SCN8A: variants seen among roughly 807,000 people sequenced by gnomAD.
The protein encoded by SCN8A is sodium voltage-gated channel alpha subunit 8, also known as sodium channel protein type 8 subunit alpha.
SCN8A carries 30 observed loss-of-function variants against 184.1 expected under a neutral mutation model. The observed-to-expected ratio is 0.16, with a 90% CI of 0.12 to 0.22. The LOEUF (loss-of-function observed/expected upper bound fraction) is 0.22, where lower values mean the gene tolerates loss of function less well. Among genes scored for constraint, SCN8A ranks in the 10% least tolerant of loss-of-function variants. The pLI is 1.00. For missense variants in SCN8A, 1,057 were observed against 2,498.9 expected, an observed-to-expected ratio of 0.42 and a Z score of 12.30; for synonymous variants, 852 against 907.0, an observed-to-expected ratio of 0.94 and a Z score of 1.09.
intron 1 of SCN8A, among the ~76,000 whole-genome samples, chr12:51,615,696 A>G (rs999085366): frequency 3.3e-5 from 5 of 151,886 alleles, no homozygotes; most frequent in Admixed American, 1.3e-4. Flanking sequence ...TTCAACCATC[A>G]TTTATATTTT....
intron 24 of SCN8A, among the ~76,000 whole-genome samples, 188 bp downstream of exon 24, chr12:51,789,606 A>G (rs771124616): frequency 6.6e-6 from 1 of 152,200 alleles, no homozygotes; most frequent in Non-Finnish European, 1.5e-5. Flanking sequence ...ATTTTGCAGC[A>G]TGTAGTTTAC....
chr12:51,788,581 C>A, intron 22 of SCN8A, 114 bp from the exon 23 acceptor site: 1 of 630,872 alleles, frequency 1.6e-6, no homozygotes, highest in Non-Finnish European at 2.5e-6. Flanking sequence ...GAGGCTGCAC[C>A]CAAACCCCTG....
At chr12:51,648,259 C>T (rs1295282480) in intron 1 of SCN8A, among the ~76,000 whole-genome samples, 1 of 152,176 alleles carries the variant, frequency 6.6e-6, no homozygotes, top group African/African-American at 2.4e-5. Flanking sequence ...TGGTTATTCA[C>T]AGGTGTGACC....
chr12:51,642,029 A>G (rs1484145925), intron 1 of SCN8A, among the ~76,000 whole-genome samples: 1 of 152,196 alleles, frequency 6.6e-6, no homozygotes, highest in African/African-American at 2.4e-5. Flanking sequence ...CGCATTGTAT[A>G]CTAGTTGTCC....
At chr12:51,615,794 T>G (rs531158228) in intron 1 of SCN8A, among the ~76,000 whole-genome samples, 1 of 152,224 alleles carries the variant, frequency 6.6e-6, no homozygotes, top group East Asian at 1.9e-4. Flanking sequence ...CGTAGCTCAC[T>G]GCAGCCTCAA....
chr12:51,760,675 T>C (rs1336949197), intron 14 of SCN8A, among the ~76,000 whole-genome samples: 1 of 152,202 alleles, frequency 6.6e-6, no homozygotes, highest in Admixed American at 6.5e-5. Context: ...CTGTCTGTAC[T>C]TTCCCTGAAC....
chr12:51,700,789 G>T (rs1941674558), intron 7 of SCN8A, among the ~76,000 whole-genome samples: 1 of 152,186 alleles, frequency 6.6e-6, no homozygotes, highest in South Asian at 2.1e-4. Context: ...AAGACACGTT[G>T]TAAGGATAGA....
At chr12:51,665,447 A>G (rs1329617734) in intron 2 of SCN8A, among the ~76,000 whole-genome samples, 1 of 152,254 alleles carries the variant, frequency 6.6e-6, no homozygotes, top group Admixed American at 6.5e-5. Context: ...ATATACCACC[A>G]TACAGAAAAG....
At chr12:51,728,975 C>G (rs1296275570) in intron 12 of SCN8A, among the ~76,000 whole-genome samples, 1 of 152,172 alleles carries the variant, frequency 6.6e-6, no homozygotes, top group Admixed American at 6.5e-5. Context: ...ATCTTTGCCA[C>G]TCCTCTGCCT....
intron 1 of SCN8A, among the ~76,000 whole-genome samples, chr12:51,613,017 C>T: frequency 6.6e-6 from 1 of 152,158 alleles, no homozygotes. Context: ...CCACCATACC[C>T]AGCCAATTTG....
intron 12 of SCN8A, among the ~76,000 whole-genome samples, chr12:51,743,074 C>G (rs1012816959): frequency 6.6e-6 from 1 of 152,116 alleles, no homozygotes; most frequent in Non-Finnish European, 1.5e-5. Flanking sequence ...ATTTCAGTCT[C>G]TTTGTTAAAT....
At position 51,812,748 on chromosome 12, in the gene SCN8A, G is replaced by T. The variant is rs917787106; in HGVS notation, c.*5319G>T. On this transcript the variant is annotated 3_prime_UTR_variant, in exon 27 of 27. Coordinates refer to ENST00000627620, the MANE Select transcript of SCN8A (RefSeq NM_001330260.2). ...AATGGCAGAAATGCTTGAGAAATGA[G>T]AATGTGTAAGTGGATTGGAAGTTTA... 2.0e-5 allele frequency: 3 copies of T among 152,244 alleles called. No homozygotes were observed. The highest frequency in any genetic ancestry group is 7.2e-5 in the African/African-American group (3 of 41,452). The allele number at this position is 152,244 out of a possible 1,614,324, so 9.4% of individuals were successfully genotyped here. A position where few individuals can be genotyped will look rare whatever the true frequency, so the allele number is the denominator to read the frequency against.
chr12:51,745,933 G>A lies in SCN8A; in HGVS notation c.2029G>A (p.Gly677Ser), dbSNP rs1942503975. 4 of 1,595,416 alleles carry A rather than the reference G, an allele frequency of 2.5e-6. No homozygotes were observed. Among genetic ancestry groups the A allele is most frequent in the Non-Finnish European group, 3.4e-6 (4 of 1,173,590 alleles). ...AACTGAGGTGGAAATTAAGAAGAAAGGCCCTGGATCTCTTTTAGTTTCCAT... is the reference window on the plus strand; with the variant it reads ...AACTGAGGTGGAAATTAAGAAGAAAAGCCCTGGATCTCTTTTAGTTTCCAT... ...ATTEVEIKKKGPGSLLVSMDQ... is the reference protein window; with the variant it reads ...ATTEVEIKKKSPGSLLVSMDQ... The change falls in exon 13 of 27, where the codon GGC becomes AGC. Residue 677 changes from glycine to serine, a missense_variant. Transcript: ENST00000627620.
At chr12:51,601,838 T>G in intron 1 of SCN8A, among the ~76,000 whole-genome samples, 1 of 143,762 alleles carries the variant, frequency 7.0e-6, no homozygotes, top group African/African-American at 2.6e-5. Context: ...TTGCCAAGGG[T>G]GGTGCTCAGA....
At chr12:51,641,178 A>G (rs577698347) in intron 1 of SCN8A, among the ~76,000 whole-genome samples, 1 of 152,374 alleles carries the variant, frequency 6.6e-6, no homozygotes, top group Non-Finnish European at 1.5e-5. Flanking sequence ...ACATCATATT[A>G]GGTATTATAA....
chr12:51,806,448 C>T lies in SCN8A; in HGVS notation c.4962C>T (p.Ile1654=), dbSNP rs766702527. 1.8e-5 allele frequency: 29 copies of T among 1,614,084 alleles called. 1 individual carries two copies. The highest frequency in any genetic ancestry group is 1.6e-4 in the Middle Eastern group (1 of 6,084). The stretch of plus-strand genomic sequence containing the variant: ...TGTCCTTGCCTGCCCTGTTCAACAT[C>T]GGCCTTCTGCTCTTCCTGGTCATGT... ...LMMSLPALFN[I]GLLLFLVMFI... The change falls in exon 27 of 27, where the codon ATC becomes ATT. Residue 1654 remains isoleucine, a synonymous_variant. Coordinates refer to ENST00000627620, the MANE Select transcript of SCN8A (RefSeq NM_001330260.2). The surrounding 1 kb of genome is among the most constrained non-coding windows in gnomAD (Gnocchi z 8.7).
chr12:51,614,199 A>T (rs1939783141), intron 1 of SCN8A, among the ~76,000 whole-genome samples: 1 of 151,990 alleles, frequency 6.6e-6, no homozygotes, highest in South Asian at 2.1e-4. Context: ...CATCGACTAT[A>T]CTTGTGGATT....
chr12:51,721,800 C>G lies in SCN8A; in HGVS notation c.1890C>G (p.Phe630Leu), dbSNP rs1942070132. Residue 630 changes from phenylalanine to leucine, a missense_variant, in exon 12 of 27, where the codon TTC becomes TTG. By Grantham distance (22) the Phe-to-Leu change is conservative. Around this residue, in one of 19 missense-constraint regions of SCN8A, gnomAD observed 322 missense variants for 390.1 expected, o/e 0.83. Coordinates refer to ENST00000627620, the MANE Select transcript of SCN8A (RefSeq NM_001330260.2). ...AGGGCAGCCGCTCCTCGCGCATCTT[C>G]CCCAGCCTGCGGCGCAGCGTGAAGC... Reference protein sequence around the residue: ...YSQGSRSSRIFPSLRRSVKRN... With the variant: ...YSQGSRSSRILPSLRRSVKRN... 2 of 1,609,460 alleles carry G rather than the reference C, an allele frequency of 1.2e-6. No homozygotes were observed. The highest frequency in any genetic ancestry group is 1.7e-6 in the Non-Finnish European group (2 of 1,179,474).
At chr12:51,787,775 A>G (rs987445569) in intron 22 of SCN8A, among the ~76,000 whole-genome samples, 6 of 152,224 alleles carry the variant, frequency 3.9e-5, no homozygotes, top group African/African-American at 1.4e-4. Flanking sequence ...ACATATAGTA[A>G]GCACTCACTG....
Sources: allele counts gnomAD v4.1 joint callset (sites outside exome capture counted in the v4.1 genomes callset), GRCh38; gene constraint gnomAD v4.1.1; regional missense constraint gnomAD v4.1.1; non-coding constraint Gnocchi (gnomAD v3.1); transcripts MANE v1.5; gene names NCBI Gene and HGNC (gene_info 2026-07-23, HGNC 2026-07-21).